SLC14A2: variants seen among roughly 807,000 people sequenced by gnomAD.
SLC14A2 encodes solute carrier family 14 member 2.
SLC14A2 carries 91 observed loss-of-function variants against 104.6 expected under a neutral mutation model. That is an observed-to-expected ratio of 0.87 (90% CI 0.73 to 1.04). The LOEUF is 1.04. Among genes scored for constraint, SLC14A2 ranks in the 50% least tolerant of loss-of-function variants. SLC14A2 has a pLI of 0.00. For missense variants in SLC14A2, 1,189 were observed against 1,156.0 expected, an observed-to-expected ratio of 1.03 and a Z score of -0.41; for synonymous variants, 476 against 466.4, an observed-to-expected ratio of 1.02 and a Z score of -0.27.
intron 1 of SLC14A2, among the ~76,000 whole-genome samples, chr18:45,622,592 C>T (rs1418025585): frequency 6.6e-6 from 1 of 152,062 alleles, no homozygotes; most frequent in Non-Finnish European, 1.5e-5. Flanking sequence ...GGTAGGAGCA[C>T]CAGGGCTGAG....
At chr18:45,446,434 T>C (rs2086771071) in intron 1 of SLC14A2, among the ~76,000 whole-genome samples, 1 of 152,200 alleles carries the variant, frequency 6.6e-6, no homozygotes, top group African/African-American at 2.4e-5. Flanking sequence ...AGTAGCTGTC[T>C]GCAAGCCAGG....
intron 1 of SLC14A2, among the ~76,000 whole-genome samples, chr18:45,319,752 A>G (rs1479166978): frequency 1.3e-5 from 2 of 152,306 alleles, no homozygotes; most frequent in East Asian, 1.9e-4. Flanking sequence ...CAGAATCCCA[A>G]CATCATGAAA....
intron 1 of SLC14A2, among the ~76,000 whole-genome samples, chr18:45,242,647 G>A (rs187927619): frequency 6.6e-5 from 10 of 152,224 alleles, no homozygotes; most frequent in East Asian, 5.8e-4. Context: ...ACATACATGC[G>A]TCTGAGCCAT....
chr18:45,524,750 C>A (rs369809327), intron 2 of SLC14A2, among the ~76,000 whole-genome samples: 18 of 152,268 alleles, frequency 1.2e-4, no homozygotes, highest in East Asian at 9.7e-4. Context: ...AACTGCTAAG[C>A]CCTTAAATGC....
intron 1 of SLC14A2, among the ~76,000 whole-genome samples, chr18:45,477,595 C>T (rs1180573908): frequency 6.6e-6 from 1 of 152,198 alleles, no homozygotes; most frequent in Non-Finnish European, 1.5e-5. Context: ...CCACCCCTTC[C>T]CCCAGGTGCT....
intron 7 of SLC14A2, among the ~76,000 whole-genome samples, chr18:45,640,121 C>T (rs957669132): frequency 3.9e-5 from 6 of 151,930 alleles, no homozygotes; most frequent in Admixed American, 3.3e-4. Flanking sequence ...AAAAAAAGTA[C>T]AAAAATTAGC....
chr18:45,334,297 T>G (rs576941188), intron 1 of SLC14A2, among the ~76,000 whole-genome samples: 3 of 152,298 alleles, frequency 2.0e-5, no homozygotes, highest in East Asian at 3.9e-4. Flanking sequence ...AACCCTCCAT[T>G]ACAAACACTT....
intron 1 of SLC14A2, among the ~76,000 whole-genome samples, chr18:45,378,771 G>T (rs547761762): frequency 6.6e-6 from 1 of 152,222 alleles, no homozygotes; most frequent in South Asian, 2.1e-4. Flanking sequence ...TGCTGTTGTT[G>T]TTGTTGTTGT....
chr18:45,467,158 G>A (rs1039500303), intron 1 of SLC14A2, among the ~76,000 whole-genome samples: 2 of 152,102 alleles, frequency 1.3e-5, no homozygotes, highest in Non-Finnish European at 2.9e-5. Flanking sequence ...CCAACAGAAA[G>A]GGATTATATT....
At chr18:45,546,524 A>C (rs144432639) in intron 2 of SLC14A2, among the ~76,000 whole-genome samples, 1 of 152,356 alleles carries the variant, frequency 6.6e-6, no homozygotes, top group Non-Finnish European at 1.5e-5. Flanking sequence ...ATCAGTGATC[A>C]GCATTACTGG....
intron 1 of SLC14A2, among the ~76,000 whole-genome samples, chr18:45,317,961 CT>C (rs1568149106): frequency 6.6e-6 from 1 of 152,084 alleles, no homozygotes; most frequent in African/African-American, 2.4e-5. Flanking sequence ...GGAGCCCCAC[CT>C]TTGGAGCCCC....
chr18:45,478,368 G>A lies in SLC14A2; in HGVS notation c.-124-4865G>A, dbSNP rs2087425385. Among the ~76,000 whole-genome samples, 3 of 152,192 alleles carry A rather than the reference G, an allele frequency of 2.0e-5. 1 individual carries two copies. In the South Asian group the frequency reaches 6.2e-4, roughly 32 times the overall value. ...GCTGGGTACCGCAGTTGGAAATGCA[G>A]AAATCACCTGCCTTCTGTACTGATC... On this transcript the variant is annotated intron_variant, in intron 1 of 20. Coordinates refer to the SLC14A2 transcript ENST00000586448.
chr18:45,220,946 GTC>G (rs1435756762), intron 1 of SLC14A2, among the ~76,000 whole-genome samples: 2 of 152,128 alleles, frequency 1.3e-5, no homozygotes, highest in East Asian at 3.9e-4. Flanking sequence ...CATTCCTGGT[GTC>G]TCTTTTCTGT....
chr18:45,281,897 C>T (rs2084766442), intron 1 of SLC14A2, among the ~76,000 whole-genome samples: 1 of 152,184 alleles, frequency 6.6e-6, no homozygotes, highest in Admixed American at 6.5e-5. Flanking sequence ...CTCAGTGGCT[C>T]AGTCTCTCAC....
chr18:45,343,107 C>T (rs1326382641), intron 1 of SLC14A2, among the ~76,000 whole-genome samples: 5 of 151,642 alleles, frequency 3.3e-5, no homozygotes, highest in African/African-American at 1.2e-4. Flanking sequence ...CTGAGTTAGT[C>T]CTATCCATGC....
chr18:45,644,451 C>T (rs944358142), intron 10 of SLC14A2: 9 of 296,942 alleles, frequency 3.0e-5, no homozygotes, highest in East Asian at 1.7e-4. Flanking sequence ...AAAACAAAAA[C>T]AGTAGTCTTT....
chr18:45,196,207 A>G, the SLC14A2 span, among the ~76,000 whole-genome samples: 1 of 152,208 alleles, frequency 6.6e-6, no homozygotes, highest in Non-Finnish European at 1.5e-5. Flanking sequence ...ACACAGAAAT[A>G]TTTACACTGA....
At chr18:45,346,567 A>G (rs998363733) in intron 1 of SLC14A2, among the ~76,000 whole-genome samples, 2 of 152,188 alleles carry the variant, frequency 1.3e-5, no homozygotes, top group Non-Finnish European at 2.9e-5. Flanking sequence ...GAATTCTTTC[A>G]TCTTTTTAGT....
the SLC14A2 span, among the ~76,000 whole-genome samples, chr18:45,174,255 A>C: frequency 6.6e-6 from 1 of 151,728 alleles, no homozygotes; most frequent in African/African-American, 2.4e-5. Flanking sequence ...AATGACACTC[A>C]CTCTGCCTTC....
Sources: allele counts gnomAD v4.1 joint callset (sites outside exome capture counted in the v4.1 genomes callset), GRCh38; gene constraint gnomAD v4.1.1; transcripts MANE v1.5; gene names NCBI Gene and HGNC (gene_info 2026-07-23, HGNC 2026-07-21).